PCED1B: variants seen among roughly 807,000 people sequenced by gnomAD.
PCED1B encodes PC-esterase domain-containing protein 1B.
For synonymous variants in PCED1B, 251 were observed against 246.1 expected, an observed-to-expected ratio of 1.02 and a Z score of -0.19; for missense variants, 573 against 573.9, an observed-to-expected ratio of 1.00 and a Z score of 0.02.
rs771683925 is a variant in PCED1B at position 47,236,269 on chromosome 12, G to A, written c.1206G>A (p.Arg402=). 9 of 1,613,966 alleles carry A rather than the reference G, an allele frequency of 5.6e-6. No homozygotes were observed. The highest frequency in any genetic ancestry group is 1.1e-5 in the South Asian group (1 of 91,092). Residue 402 remains arginine, a synonymous_variant, in exon 4 of 4, where the codon AGG becomes AGA. Coordinates refer to ENST00000546455, the MANE Select transcript of PCED1B (RefSeq NM_138371.3). ...CAGTGGTACATAGGGGTTTTGGCAGGTATCGTCCCCGTGGCCCCTATACGC... is the reference window on the plus strand; with the variant it reads ...CAGTGGTACATAGGGGTTTTGGCAGATATCGTCCCCGTGGCCCCTATACGC... ...PAPVVHRGFG[R]YRPRGPYTPW... is the part of the protein sequence containing the mutation.
At chr12:47,231,168 G>A (rs1385598138) in intron 3 of PCED1B, among the ~76,000 whole-genome samples, 1 of 152,100 alleles carries the variant, frequency 6.6e-6, no homozygotes, top group Admixed American at 6.6e-5. Context: ...GGGTGGGCTT[G>A]GAACCAAATT....
chr12:47,232,328 A>T (rs1437872894), intron 3 of PCED1B, among the ~76,000 whole-genome samples: 1 of 152,112 alleles, frequency 6.6e-6, no homozygotes, highest in Non-Finnish European at 1.5e-5. Flanking sequence ...TTTTAATGAA[A>T]ATTCTTTGTG....
intron 1 of PCED1B, among the ~76,000 whole-genome samples, chr12:47,094,843 C>T (rs910033607): frequency 2.0e-5 from 3 of 149,234 alleles, no homozygotes; most frequent in Middle Eastern, 3.2e-3. Flanking sequence ...TTTTTTATTC[C>T]TTCCTTCATT....
chr12:47,203,788 T>C (rs1323443310), intron 2 of PCED1B, among the ~76,000 whole-genome samples: 1 of 152,224 alleles, frequency 6.6e-6, no homozygotes, highest in Non-Finnish European at 1.5e-5. Context: ...TGCATGTGTC[T>C]TTATAACAAA....
At chr12:47,088,290 C>T (rs909845900) in intron 1 of PCED1B, among the ~76,000 whole-genome samples, 1 of 152,172 alleles carries the variant, frequency 6.6e-6, no homozygotes, top group Admixed American at 6.5e-5. Context: ...GGTGTCTCAA[C>T]ACAATGATGT....
At chr12:47,127,274 G>A (rs541933855) in intron 2 of PCED1B, among the ~76,000 whole-genome samples, 10 of 151,150 alleles carry the variant, frequency 6.6e-5, no homozygotes, top group South Asian at 2.1e-4. Context: ...TATAATTTCC[G>A]TTTGATTTCT....
chr12:47,124,877 A>T (rs1351858068), intron 2 of PCED1B, among the ~76,000 whole-genome samples: 2 of 151,940 alleles, frequency 1.3e-5, no homozygotes, highest in African/African-American at 2.4e-5. Flanking sequence ...GGTTTGTATG[A>T]TAGAGTTGTG....
At chr12:47,114,810 T>C (rs1176624518) in intron 2 of PCED1B, among the ~76,000 whole-genome samples, 1 of 152,220 alleles carries the variant, frequency 6.6e-6, no homozygotes, top group Non-Finnish European at 1.5e-5. Flanking sequence ...TCCATCGTGA[T>C]CATCTTACTT....
chr12:47,206,811 A>G (rs1381468334), intron 2 of PCED1B, among the ~76,000 whole-genome samples: 1 of 152,176 alleles, frequency 6.6e-6, no homozygotes, highest in Admixed American at 6.5e-5. Context: ...AATGAAAGTG[A>G]AGAAGTAGAT....
intron 2 of PCED1B, chr12:47,187,808 G>A (rs1022590534): frequency 4.5e-5 from 7 of 154,126 alleles, no homozygotes; most frequent in African/African-American, 1.7e-4. Flanking sequence ...TTAAAGGAAA[G>A]TTATGCTTCT....
chr12:47,176,590 T>C (rs1239937345), intron 2 of PCED1B, among the ~76,000 whole-genome samples: 1 of 152,204 alleles, frequency 6.6e-6, no homozygotes, highest in Admixed American at 6.5e-5. Context: ...TCTCTTAAAA[T>C]ATCCTTTCTA....
At chr12:47,205,928 A>T (rs191233774) in intron 2 of PCED1B, 15 of 152,348 alleles carry the variant, frequency 9.8e-5, no homozygotes, top group African/African-American at 3.4e-4. Flanking sequence ...TTATTACTCA[A>T]ATCAGTCTCC....
chr12:47,163,768 C>T (rs1052967542), intron 2 of PCED1B, among the ~76,000 whole-genome samples: 2 of 152,126 alleles, frequency 1.3e-5, no homozygotes, highest in African/African-American at 4.8e-5. Flanking sequence ...ATTTATTTAG[C>T]TCACAATTAT....
intron 2 of PCED1B, among the ~76,000 whole-genome samples, chr12:47,145,986 T>G (rs961801223): frequency 1.3e-5 from 2 of 152,194 alleles, no homozygotes; most frequent in African/African-American, 4.8e-5. Context: ...CAAAGAAAAT[T>G]GAAAACTTTC....
At chr12:47,185,763 T>C (rs1435786336) in intron 2 of PCED1B, among the ~76,000 whole-genome samples, 2 of 149,378 alleles carry the variant, frequency 1.3e-5, no homozygotes, top group Non-Finnish European at 3.0e-5. Flanking sequence ...CTACTCCAGC[T>C]TGGGCAACAG....
intron 1 of PCED1B, among the ~76,000 whole-genome samples, chr12:47,098,058 T>A (rs546236752): frequency 6.6e-6 from 1 of 152,224 alleles, no homozygotes; most frequent in Non-Finnish European, 1.5e-5. Flanking sequence ...TGGGTAGTAG[T>A]TGACATGCTT....
At chr12:47,190,337 C>T (rs972068646) in intron 2 of PCED1B, among the ~76,000 whole-genome samples, 17 of 152,190 alleles carry the variant, frequency 1.1e-4, no homozygotes, top group African/African-American at 4.1e-4. Flanking sequence ...AGATACAGAC[C>T]TCACCCAAGT....
chr12:47,223,437 G>GTTTTT (rs894557674), intron 3 of PCED1B: 1 of 148,718 alleles, frequency 6.7e-6, no homozygotes, highest in Non-Finnish European at 1.5e-5. Flanking sequence ...GTGCAAGCAA[G>GTTTTT]TTTTTTTTTT....
chr12:47,203,010 C>T (rs1020393084), intron 2 of PCED1B, among the ~76,000 whole-genome samples: 15 of 149,622 alleles, frequency 1.0e-4, no homozygotes, highest in African/African-American at 3.4e-4. Context: ...GGCTCTGTTG[C>T]CCAGGCTGGA....
Sources: gnomAD v4.1 joint callset for allele counts (sites outside exome capture counted in the v4.1 genomes callset) on GRCh38, gnomAD v4.1.1 for gene constraint, MANE v1.5 for transcripts, NCBI Gene and HGNC (gene_info 2026-07-23, HGNC 2026-07-21) for gene names.